Variants in CTNNA3 observed in about 807,000 individuals in gnomAD.
CTNNA3 encodes the protein catenin alpha-3.
Under a neutral mutation model 95.7 loss-of-function variants are expected in CTNNA3, and 76 were observed. That is an observed-to-expected ratio of 0.79 (90% confidence interval 0.66 to 0.96). The LOEUF is 0.96. Ranked by LOEUF, CTNNA3 falls within the 40% of genes least tolerant of loss-of-function variation. CTNNA3 has a pLI of 0.00. For missense variants in CTNNA3, 1,191 were observed against 1,089.8 expected, an observed-to-expected ratio of 1.09 and a Z score of -1.31; for synonymous variants, 431 against 374.4, an observed-to-expected ratio of 1.15 and a Z score of -1.74.
chr10:66,479,542 A>G (rs544455274), intron 11 of CTNNA3, among the ~76,000 whole-genome samples: 19 of 152,174 alleles, frequency 1.2e-4, no homozygotes, highest in African/African-American at 3.8e-4. Flanking sequence ...AACATGGTCT[A>G]TTAGCCCATT....
At chr10:66,853,751 C>G (rs985674115) in intron 7 of CTNNA3, among the ~76,000 whole-genome samples, 2 of 151,916 alleles carry the variant, frequency 1.3e-5, no homozygotes, top group Admixed American at 1.3e-4. Context: ...AAGGACATCC[C>G]AAGCAATCAT....
At chr10:66,218,331 T>TA (rs989238393) in intron 13 of CTNNA3, among the ~76,000 whole-genome samples, 3 of 151,854 alleles carry the variant, frequency 2.0e-5, no homozygotes, top group African/African-American at 7.3e-5. Context: ...GTGTGGTCAA[T>TA]AGTTTAAAAC....
chr10:67,713,239 A>G (rs1465243691), intron 1 of CTNNA3, among the ~76,000 whole-genome samples: 1 of 152,252 alleles, frequency 6.6e-6, no homozygotes, highest in African/African-American at 2.4e-5. Flanking sequence ...ATGAGATAAC[A>G]TCTCATGCCA....
chr10:66,329,510 C>A (rs887244801), intron 12 of CTNNA3, among the ~76,000 whole-genome samples: 5 of 151,654 alleles, frequency 3.3e-5, no homozygotes, highest in Non-Finnish European at 7.4e-5. Context: ...GTATAACATG[C>A]GGCACTGCCT....
intron 10 of CTNNA3, among the ~76,000 whole-genome samples, chr10:66,530,457 G>A (rs529014504): frequency 6.6e-5 from 10 of 152,076 alleles, no homozygotes; most frequent in South Asian, 2.1e-4. Flanking sequence ...CACTTTCTAC[G>A]TAGTTTTTCC....
At chr10:65,997,682 T>A (rs543629857) in intron 15 of CTNNA3, among the ~76,000 whole-genome samples, 18 of 152,212 alleles carry the variant, frequency 1.2e-4, no homozygotes, top group African/African-American at 4.3e-4. Context: ...TTTATTTTTG[T>A]CCCTCTCAGT....
intron 13 of CTNNA3, among the ~76,000 whole-genome samples, chr10:66,155,480 TAAAAG>T (rs1319350221): frequency 1.3e-5 from 2 of 151,694 alleles, no homozygotes; most frequent in African/African-American, 4.8e-5. Context: ...CAGGAAATAA[TAAAAG>T]AAATACCTGT....
At chr10:66,740,959 C>A (rs908894641) in intron 9 of CTNNA3, among the ~76,000 whole-genome samples, 2 of 152,184 alleles carry the variant, frequency 1.3e-5, no homozygotes, top group Non-Finnish European at 2.9e-5. Context: ...TCATAGGTAT[C>A]ACTTGTGGAT....
chr10:67,293,999 T>C (rs1839938329), intron 5 of CTNNA3, among the ~76,000 whole-genome samples: 1 of 152,164 alleles, frequency 6.6e-6, no homozygotes, highest in Non-Finnish European at 1.5e-5. Context: ...ACATTTTAAG[T>C]GCTCTAGGTT....
At chr10:67,458,303 T>C (rs1318470745) in intron 5 of CTNNA3, among the ~76,000 whole-genome samples, 1 of 151,960 alleles carries the variant, frequency 6.6e-6, no homozygotes, top group East Asian at 1.9e-4. Flanking sequence ...AAAAGACACA[T>C]AATAAATGCT....
intron 9 of CTNNA3, among the ~76,000 whole-genome samples, chr10:66,729,475 T>C (rs1287211556): frequency 1.3e-5 from 2 of 152,252 alleles, no homozygotes; most frequent in African/African-American, 4.8e-5. Flanking sequence ...ATATAAATTA[T>C]TCTATTATGT....
At chr10:67,361,622 C>T (rs1842994430) in intron 5 of CTNNA3, among the ~76,000 whole-genome samples, 1 of 152,040 alleles carries the variant, frequency 6.6e-6, no homozygotes, top group Non-Finnish European at 1.5e-5. Context: ...GCAGCAAAAG[C>T]AGCATTAAGA....
intron 11 of CTNNA3, among the ~76,000 whole-genome samples, chr10:66,420,842 A>AAATAAATAAAT (rs1564945941): frequency 6.5e-5 from 7 of 107,926 alleles, no homozygotes; most frequent in African/African-American, 2.8e-4. Flanking sequence ...AATAAATAAA[A>AAATAAATAAAT]AACAATATGG....
chr10:67,419,778 T>C (rs575221334), intron 5 of CTNNA3, among the ~76,000 whole-genome samples: 3 of 152,364 alleles, frequency 2.0e-5, no homozygotes, highest in Admixed American at 6.5e-5. Context: ...AAAACACCAG[T>C]ACAGTAGCTA....
At chr10:66,824,850 G>A (rs1842439397) in intron 7 of CTNNA3, among the ~76,000 whole-genome samples, 1 of 152,088 alleles carries the variant, frequency 6.6e-6, no homozygotes, top group Admixed American at 6.5e-5. Flanking sequence ...ACAGAAAAGG[G>A]GCATTAGGTA....
intron 7 of CTNNA3, among the ~76,000 whole-genome samples, chr10:67,017,691 A>C (rs1852739389): frequency 6.6e-6 from 1 of 152,052 alleles, no homozygotes; most frequent in Non-Finnish European, 1.5e-5. Flanking sequence ...GGTTAATCAA[A>C]AAAGTTGACA....
chr10:65,924,865 C>A (rs1426831267), intron 17 of CTNNA3, among the ~76,000 whole-genome samples: 1 of 152,192 alleles, frequency 6.6e-6, no homozygotes, highest in South Asian at 2.1e-4. Context: ...TCATGTCTTA[C>A]ATGGTGGCAG....
chr10:66,766,088 CAA>C, intron 9 of CTNNA3, 174 bp downstream of exon 9: 2 of 490,242 alleles, frequency 4.1e-6, no homozygotes, highest in Non-Finnish European at 7.2e-6. Context: ...TAAGACAAGC[CAA>C]TGTGGAGTGA....
intron 2 of CTNNA3, among the ~76,000 whole-genome samples, chr10:67,637,227 C>T (rs1034618365): frequency 3.9e-5 from 6 of 152,126 alleles, no homozygotes; most frequent in East Asian, 1.9e-4. Flanking sequence ...GCACAAGCTT[C>T]GGCAGCTGAT....
Sources: allele counts gnomAD v4.1 joint callset (sites outside exome capture counted in the v4.1 genomes callset), GRCh38; gene constraint gnomAD v4.1.1; transcripts MANE v1.5; gene names NCBI Gene and HGNC (gene_info 2026-07-23, HGNC 2026-07-21).